The following PGRMC2 variants were observed in gnomAD, a reference collection of about 807,000 sequenced individuals.
The protein encoded by PGRMC2 is progesterone receptor membrane component 2.
In PGRMC2, 9 loss-of-function variants were observed where a neutral mutation model predicts 19.3. The observed-to-expected ratio is 0.47, with a 90% CI of 0.28 to 0.81. The LOEUF is 0.81. Among genes scored for constraint, PGRMC2 ranks in the 40% least tolerant of loss-of-function variants. PGRMC2 has a pLI of 0.11. For synonymous variants in PGRMC2, 157 were observed against 124.6 expected, an observed-to-expected ratio of 1.26 and a Z score of -1.73; for missense variants, 289 against 297.3, an observed-to-expected ratio of 0.97 and a Z score of 0.21.
rs1346567052 is a variant in PGRMC2, at chr4:128,287,184, C to G, written c.418+189G>C. ...GGTTTCGGGGGAAGAACTGGAGGTG[C>G]CCGTAGCTGCGGGGGGACGGTGTGT... is the stretch of plus-strand genomic sequence containing the variant. On this transcript the variant is annotated intron_variant, in intron 1 of 2. Transcript: ENST00000296425. 1.1e-5 allele frequency: 6 copies of G among 544,758 alleles called. No homozygotes were observed. The South Asian group carries it at 1.4e-4, about 13-fold the overall frequency. 33.7% of individuals were successfully genotyped at this position (544,758 alleles called of 1,614,324 possible).
chr4:128,272,220 T>A (rs989384139), intron 2 of PGRMC2, 142 bp downstream of exon 2: 1 of 514,346 alleles, frequency 1.9e-6, no homozygotes, highest in Non-Finnish European at 3.1e-6. Context: ...TCACCCAGCT[T>A]TAGCTATCTT....
At chr4:128,282,756 GT>G (rs1760927482) in intron 1 of PGRMC2, among the ~76,000 whole-genome samples, 1 of 152,210 alleles carries the variant, frequency 6.6e-6, no homozygotes, top group Non-Finnish European at 1.5e-5. Context: ...ATTGGGTCCA[GT>G]TTTTATGATG....
rs1760984668 is a variant in PGRMC2, at chr4:128,286,436, GAAAACAAAGTTCTCTC to G, written c.418+921_418+936del. 3.3e-5 allele frequency among the ~76,000 whole-genome samples: 5 copies of G among 152,204 alleles called. No homozygotes were observed. In the South Asian group the frequency reaches 1.0e-3, roughly 32 times the overall value. On this transcript the variant is annotated intron_variant, in intron 1 of 2. Coordinates refer to ENST00000296425, the MANE Select transcript of PGRMC2 (RefSeq NM_006320.6). ...TCAACTACCCTACACAAAGTTCCCT[GAAAACAAAGTTCTCTC>G]AAAACAAAGTTCTAAAAATCTTTAA...
rs1422934123 is a variant in PGRMC2 at position 128,287,624 on chromosome 4, A to C, written c.167T>G (p.Leu56Arg). 1.3e-6 allele frequency: 2 copies of C among 1,523,880 alleles called. No individual in the cohort carries two copies. Among genetic ancestry groups the C allele is most frequent in the African/African-American group, 1.5e-5 (1 of 67,890 alleles). 94.4% of individuals were successfully genotyped at this position (1,523,880 alleles called of 1,614,324 possible). The change falls in exon 1 of 3, where the codon CTG (leucine) becomes CGG (arginine). Residue 56 changes from leucine (L) to arginine (R), a missense_variant. Transcript: ENST00000296425. ...ALLTGGGEML[L>R]NVALVALVLL... is the part of the protein sequence containing the mutation. ...CACCAGAGCCACCAGCGCCACGTTC[A>C]GCAGCATTTCCCCGCCCCCCGTCAG... is the stretch of plus-strand genomic sequence containing the variant.
At chr4:128,282,918 G>A (rs1578886568) in intron 1 of PGRMC2, among the ~76,000 whole-genome samples, 1 of 152,166 alleles carries the variant, frequency 6.6e-6, no homozygotes, top group Admixed American at 6.6e-5. Context: ...ATCTCATGGG[G>A]TTCTTCTTAC....
chr4:128,271,463 A>G (rs1192667245), intron 2 of PGRMC2, 50 bp from the exon 3 acceptor site: 1 of 905,928 alleles, frequency 1.1e-6, no homozygotes, highest in Non-Finnish European at 1.8e-6. Flanking sequence ...TTGTTTCACT[A>G]TTCCATTATA....
At chr4:128,276,188 C>T (rs1446281786) in intron 1 of PGRMC2, among the ~76,000 whole-genome samples, 1 of 152,214 alleles carries the variant, frequency 6.6e-6, no homozygotes, top group Non-Finnish European at 1.5e-5. Context: ...ATTCCGTTAT[C>T]CCCTTACATA....
chr4:128,287,698 C>T lies in PGRMC2; in HGVS notation c.93G>A (p.Ala31=). The change falls in exon 1 of 3, where the codon GCG becomes GCA. Residue 31 remains alanine (A), a synonymous_variant. Coordinates refer to ENST00000296425, the MANE Select transcript of PGRMC2 (RefSeq NM_006320.6). ...AGCCTCCCCCTTCCGCTGCCGCTCC[C>T]GCGTCGCCTGGACTCTCGCTGCCGC... ...NDGGSESPGD[A]GAAAEGGGWA... is the part of the protein sequence containing the mutation. 1 of 1,523,342 alleles carries T rather than the reference C, an allele frequency of 6.6e-7. No homozygotes were observed. The highest frequency in any genetic ancestry group is 1.2e-5 in the South Asian group (1 of 83,956). 94.4% of individuals were successfully genotyped at this position (1,523,342 alleles called of 1,614,324 possible). A position where few individuals can be genotyped will look rare whatever the true frequency, so the allele number is the denominator to read the frequency against.
rs1230008351 is a variant in PGRMC2 at position 128,283,337 on chromosome 4, C to T, written c.418+4036G>A. ...TCTCATAGGGCTGTTTGAAAATTAG[C>T]GATACTAAGCTCAATAAATGGAGTT... On this transcript the variant is annotated intron_variant, in intron 1 of 2. Coordinates refer to ENST00000296425, the MANE Select transcript of PGRMC2 (RefSeq NM_006320.6). Among the ~76,000 whole-genome samples, 3 of 152,242 alleles carry T rather than the reference C, an allele frequency of 2.0e-5. No individual in the cohort carries two copies. The East Asian group carries it at 5.8e-4, about 29-fold the overall frequency.
At position 128,270,143 on chromosome 4, in the gene PGRMC2, T is replaced by C. The variant is rs1381422772; in HGVS notation, c.*1173A>G. 6.6e-6 allele frequency: 1 copy of C among 152,656 alleles called. No homozygotes were observed. The highest frequency in any genetic ancestry group is 1.5e-5 in the Non-Finnish European group (1 of 68,044). 9.5% of individuals were successfully genotyped at this position (152,656 alleles called of 1,614,324 possible). ...TATAAAGTCCAACTCAAGCTTATTT[T>C]GGTTTATTGTACATGCTTTATTAAA... On this transcript the variant is annotated 3_prime_UTR_variant, in exon 3 of 3. Transcript: ENST00000296425.
chr4:128,269,741 T>C lies in PGRMC2; in HGVS notation c.*1575A>G, dbSNP rs1310298177. On this transcript the variant is annotated 3_prime_UTR_variant, in exon 3 of 3. Transcript: ENST00000296425. Reference sequence around the variant, plus strand: ...AAGTAGTCATAATGAAATAAAGTAATTGATATATGAGGGGCTTTTAGTAAG... The same window carrying C: ...AAGTAGTCATAATGAAATAAAGTAACTGATATATGAGGGGCTTTTAGTAAG... The C allele has an allele frequency of 6.6e-6, 1 of 152,190 alleles. No homozygotes were observed. Among genetic ancestry groups the C allele is most frequent in the African/African-American group, 2.4e-5 (1 of 41,446 alleles). The allele number at this position is 152,190 out of a possible 1,614,324, so 9.4% of individuals were successfully genotyped here. A position where few individuals can be genotyped will look rare whatever the true frequency, so the allele number is the denominator to read the frequency against.
chr4:128,272,393 C>A lies in PGRMC2; in HGVS notation c.543G>T (p.Glu181Asp). Residue 181 changes from glutamate to aspartate, a missense_variant, in exon 2 of 3, where the codon GAG becomes GAT. By Grantham distance (45) the Glu-to-Asp change is conservative. Coordinates refer to ENST00000296425, the MANE Select transcript of PGRMC2 (RefSeq NM_006320.6). ...ACTGCATTTCCCATTCTCGAACACT[C>A]TCCATTTGTACTGCATTCAAATCTG... Reference protein sequence around the residue: ...DLSDLNAVQMESVREWEMQFK... With the variant: ...DLSDLNAVQMDSVREWEMQFK... 1 of 1,542,302 alleles carries A rather than the reference C, an allele frequency of 6.5e-7. No homozygotes were observed. The highest frequency in any genetic ancestry group is 8.7e-7 in the Non-Finnish European group (1 of 1,149,614).
intron 1 of PGRMC2, among the ~76,000 whole-genome samples, chr4:128,284,272 T>C (rs1340161991): frequency 6.6e-6 from 1 of 152,216 alleles, no homozygotes; most frequent in East Asian, 1.9e-4. Context: ...CTGGATTTAT[T>C]AGACATACAT....
chr4:128,273,672 A>G (rs1314191386), intron 1 of PGRMC2, among the ~76,000 whole-genome samples: 1 of 152,242 alleles, frequency 6.6e-6, no homozygotes, highest in East Asian at 1.9e-4. Flanking sequence ...CGAAATGATT[A>G]TATTCATATA....
At position 128,287,717 on chromosome 4, in the gene PGRMC2, C is replaced by A. The variant is rs753651582; in HGVS notation, c.74G>T (p.Ser25Ile). 6.7e-7 allele frequency: 1 copy of A among 1,502,940 alleles called. No homozygotes were observed. The highest frequency in any genetic ancestry group is 2.4e-5 in the East Asian group (1 of 41,398). 93.1% of individuals were successfully genotyped at this position (1,502,940 alleles called of 1,614,324 possible). A position where few individuals can be genotyped will look rare whatever the true frequency, so the allele number is the denominator to read the frequency against. ...CGCTCCCGCGTCGCCTGGACTCTCG[C>A]TGCCGCCGTCGTTGCTGCTCTCGCT... The part of the protein sequence containing the change: ...SGSESSNDGG[S>I]ESPGDAGAAA... The change falls in exon 1 of 3, where the codon AGC (serine) becomes ATC (isoleucine). Residue 25 changes from serine to isoleucine, a missense_variant. Ser to Ile is a moderately radical substitution (Grantham distance 142). Coordinates refer to ENST00000296425, the MANE Select transcript of PGRMC2 (RefSeq NM_006320.6).
At chr4:128,285,273 C>T (rs991991772) in intron 1 of PGRMC2, among the ~76,000 whole-genome samples, 2 of 152,082 alleles carry the variant, frequency 1.3e-5, no homozygotes, top group Non-Finnish European at 2.9e-5. Context: ...ATTACAGGCA[C>T]CCGCCACCAC....
At chr4:128,283,156 A>C (rs935913440) in intron 1 of PGRMC2, among the ~76,000 whole-genome samples, 1 of 152,246 alleles carries the variant, frequency 6.6e-6, no homozygotes, top group African/African-American at 2.4e-5. Flanking sequence ...AAATTGTTAA[A>C]AATTATACTA....
intron 1 of PGRMC2, among the ~76,000 whole-genome samples, chr4:128,280,012 T>C (rs1760883014): frequency 6.6e-6 from 1 of 152,236 alleles, no homozygotes; most frequent in East Asian, 1.9e-4. Context: ...TTTTGCAACA[T>C]ACCCAAAGCA....
In PGRMC2 at chr4:128,269,312, C is replaced by G. The variant is rs41300363; in HGVS notation, c.*2004G>C. 2.0e-5 allele frequency: 3 copies of G among 152,106 alleles called. No homozygotes were observed. The highest frequency in any genetic ancestry group is 4.4e-5 in the Non-Finnish European group (3 of 68,022). The allele number at this position is 152,106 out of a possible 1,614,324, so 9.4% of individuals were successfully genotyped here. On this transcript the variant is annotated 3_prime_UTR_variant, in exon 3 of 3. Transcript: ENST00000296425. ...CAAATTACTCATTTTTCTTAACAGA[C>G]CGCATAATTTTTTCTGCATGAATAT...
Sources: gnomAD v4.1 joint callset for allele counts (sites outside exome capture counted in the v4.1 genomes callset) on GRCh38, gnomAD v4.1.1 for gene constraint, MANE v1.5 for transcripts, NCBI Gene and HGNC (gene_info 2026-07-23, HGNC 2026-07-21) for gene names.